The following NT5C2 variants were observed in gnomAD, a reference collection of about 807,000 sequenced individuals.
NT5C2 encodes the protein cytosolic purine 5'-nucleotidase.
Under a neutral mutation model 76.1 loss-of-function variants are expected in NT5C2, and 58 were observed. The observed-to-expected ratio is 0.76, with a 90% CI of 0.62 to 0.95. The LOEUF (loss-of-function observed/expected upper bound fraction) is 0.95, where lower values mean the gene tolerates loss of function less well. Ranked by LOEUF, NT5C2 falls within the 40% of genes least tolerant of loss-of-function variation. The pLI is 0.00. For synonymous variants in NT5C2, 229 were observed against 237.4 expected, an observed-to-expected ratio of 0.96 and a Z score of 0.32; for missense variants, 478 against 690.3, an observed-to-expected ratio of 0.69 and a Z score of 3.45.
At chr10:103,151,724 G>A (rs947043209) in intron 3 of NT5C2, among the ~76,000 whole-genome samples, 3 of 151,814 alleles carry the variant, frequency 2.0e-5, no homozygotes, top group Non-Finnish European at 2.9e-5. Flanking sequence ...ATGATAACAC[G>A]GTACTAAATG....
At chr10:103,165,574 C>CTTTTT (rs35898850) in intron 3 of NT5C2, among the ~76,000 whole-genome samples, 1 of 109,266 alleles carries the variant, frequency 9.2e-6, no homozygotes, top group Non-Finnish European at 1.8e-5. Flanking sequence ...CCACCTGTGG[C>CTTTTT]TTTTTTTTTT....
intron 1 of NT5C2, among the ~76,000 whole-genome samples, chr10:103,183,274 TATATATATATATATATA>T (rs1269689214): frequency 3.5e-5 from 4 of 115,786 alleles, no homozygotes; most frequent in Admixed American, 2.3e-4. Context: ...TATATATATA[TATATATATATATATATA>T]TATCACACAC....
At chr10:103,125,320 C>G in intron 4 of NT5C2, 1 of 501,606 alleles carries the variant, frequency 2.0e-6, no homozygotes, top group Non-Finnish European at 3.7e-6. Flanking sequence ...AAGACAATGA[C>G]TTTGGAGCAC....
chr10:103,169,774 A>T (rs1455987454), intron 3 of NT5C2, among the ~76,000 whole-genome samples: 1 of 152,122 alleles, frequency 6.6e-6, no homozygotes. Context: ...TGCAGCCAGA[A>T]GATCAAAACC....
chr10:103,108,405 T>C (rs1188017217), intron 4 of NT5C2, among the ~76,000 whole-genome samples: 1 of 152,236 alleles, frequency 6.6e-6, no homozygotes, highest in African/African-American at 2.4e-5. Context: ...TCTTTAGCTT[T>C]TGGCGCAAAC....
rs779531685 is a variant in NT5C2, at chr10:103,102,752, CT to C, written c.390-1427del. 4.8e-3 allele frequency among the ~76,000 whole-genome samples: 725 copies of C among 151,962 alleles called. 19 individuals are homozygous for C. The East Asian group carries it at 0.071, about 15-fold the overall frequency. ...GGTACGATGAACAGAAATATGAAAA[CT>C]AGATAAGAAGTGATGTGAGAGTAGT... On this transcript the variant is annotated intron_variant, in intron 6 of 18. Transcript: ENST00000404739.
At chr10:103,153,683 C>T (rs1025453742) in intron 3 of NT5C2, 52 of 985,186 alleles carry the variant, frequency 5.3e-5, no homozygotes, top group East Asian at 1.1e-4. Context: ...TCCAACAGTA[C>T]GCAAACAATG....
At position 103,094,019 on chromosome 10, in the gene NT5C2, A is replaced by G. The variant is rs926878263; in HGVS notation, c.941T>C (p.Ile314Thr). The G allele has an allele frequency of 1.9e-6, 3 of 1,613,742 alleles. No homozygotes were observed. The change falls in exon 14 of 19, where the codon ATT becomes ACT. Residue 314 changes from isoleucine to threonine, a missense_variant. Physicochemically the swap from Ile to Thr is moderately conservative, Grantham distance 89 (BLOSUM62 -1). Coordinates refer to ENST00000404739, the MANE Select transcript of NT5C2 (RefSeq NM_001351169.2). ...QVDTKTGKLK[I>T]GTYTGPLQHG... is the part of the protein sequence containing the mutation. The stretch of plus-strand genomic sequence containing the variant: ...CTGTAGGGGCCCTGTGTAGGTACCA[A>G]TTTTCAGCTTGCCAGTTTTCTGTAT...
At chr10:103,163,030 T>A (rs2085326938) in intron 3 of NT5C2, among the ~76,000 whole-genome samples, 1 of 152,198 alleles carries the variant, frequency 6.6e-6, no homozygotes, top group Non-Finnish European at 1.5e-5. Context: ...GACTATCATA[T>A]AAATAAAATC....
At chr10:103,098,682 T>G (rs2068797883) in intron 10 of NT5C2, 1 of 448,038 alleles carries the variant, frequency 2.2e-6, no homozygotes, top group Non-Finnish European at 4.0e-6. Flanking sequence ...ACAAATGCAA[T>G]ACTGAGTCTT....
chr10:103,182,424 G>A (rs1378660880), intron 1 of NT5C2, among the ~76,000 whole-genome samples: 4 of 151,980 alleles, frequency 2.6e-5, no homozygotes, highest in Admixed American at 2.6e-4. Context: ...ATCATCTGAG[G>A]TCAGGAGTTC....
At chr10:103,157,789 T>C (rs767750481) in intron 3 of NT5C2, among the ~76,000 whole-genome samples, 1 of 152,006 alleles carries the variant, frequency 6.6e-6, no homozygotes, top group Admixed American at 6.6e-5. Context: ...AAAAGAAAAT[T>C]TGGGGCCAGG....
At chr10:103,127,692 A>G (rs1185002515) in intron 4 of NT5C2, among the ~76,000 whole-genome samples, 1 of 152,194 alleles carries the variant, frequency 6.6e-6, no homozygotes, top group South Asian at 2.1e-4. Context: ...ACCCAGTAAC[A>G]CCTTTAGCAA....
Position 103,091,004 on chromosome 10 carries a change from T to C in NT5C2, c.1212-8A>G. On this transcript the variant is annotated splice_polypyrimidine_tract_variant and splice_region_variant and intron_variant, in intron 16 of 18. Transcript: ENST00000404739. ...CTACTGCTGTCAAGATGCCTAAAGA[T>C]AAAAGAAAAACTCAGTGAAAATCTC... is the stretch of plus-strand genomic sequence containing the variant. The C allele has an allele frequency of 6.2e-7, 1 of 1,612,014 alleles. No homozygotes were observed. Among genetic ancestry groups the C allele is most frequent in the African/African-American group, 1.3e-5 (1 of 75,010 alleles).
At chr10:103,147,757 A>T (rs552661134) in intron 3 of NT5C2, among the ~76,000 whole-genome samples, 1 of 152,332 alleles carries the variant, frequency 6.6e-6, no homozygotes, top group East Asian at 1.9e-4. Context: ...ATTTAACTGA[A>T]CTAAAAATTA....
intron 10 of NT5C2, 84 bp downstream of exon 10, chr10:103,098,847 T>G: frequency 1.0e-6 from 1 of 966,234 alleles, no homozygotes; most frequent in Non-Finnish European, 1.6e-6. Flanking sequence ...TTTTGTCCAT[T>G]TCATTATAAA....
At chr10:103,191,577 A>G (rs1355399319) in intron 1 of NT5C2, among the ~76,000 whole-genome samples, 1 of 152,206 alleles carries the variant, frequency 6.6e-6, no homozygotes, top group Non-Finnish European at 1.5e-5. Context: ...GGCAGGTACT[A>G]TAAGGGAATA....
chr10:103,164,698 A>C (rs190544090), intron 3 of NT5C2, among the ~76,000 whole-genome samples: 117 of 152,300 alleles, frequency 7.7e-4, no homozygotes, highest in African/African-American at 2.7e-3. Flanking sequence ...ACATGAATAA[A>C]TCTCTCTCTC....
chr10:103,162,761 C>G lies in NT5C2; in HGVS notation c.101+12097G>C, dbSNP rs568450293. ...ATTTGTTCAAGAACATTTATAACAG[C>G]ATTATTCTTATTTTTTTCAACTAAA... is the stretch of plus-strand genomic sequence containing the variant. On this transcript the variant is annotated intron_variant, in intron 3 of 18. Transcript: ENST00000404739. 2.0e-5 allele frequency among the ~76,000 whole-genome samples: 3 copies of G among 152,132 alleles called. No individual in the cohort carries two copies. In the East Asian group the frequency reaches 5.8e-4, roughly 29 times the overall value.
Sources: gnomAD v4.1 joint callset for allele counts (sites outside exome capture counted in the v4.1 genomes callset) on GRCh38, gnomAD v4.1.1 for gene constraint, MANE v1.5 for transcripts, NCBI Gene and HGNC (gene_info 2026-07-23, HGNC 2026-07-21) for gene names.